Variants in ARHGAP22 observed in about 807,000 individuals in gnomAD.
ARHGAP22 encodes the protein Rho GTPase activating protein 22.
In ARHGAP22, 48 loss-of-function variants were observed where a neutral mutation model predicts 59.1. That is an observed-to-expected ratio of 0.81 (90% CI 0.64 to 1.03). The LOEUF (loss-of-function observed/expected upper bound fraction) is 1.03. Ranked by LOEUF, ARHGAP22 falls within the 50% of genes least tolerant of loss-of-function variation. ARHGAP22 has a pLI of 0.00. For missense variants in ARHGAP22, 1,015 were observed against 958.7 expected, an observed-to-expected ratio of 1.06 and a Z score of -0.78; for synonymous variants, 445 against 416.4, an observed-to-expected ratio of 1.07 and a Z score of -0.84.
At chr10:48,511,328 A>G (rs2052745774) in intron 3 of ARHGAP22, among the ~76,000 whole-genome samples, 1 of 152,222 alleles carries the variant, frequency 6.6e-6, no homozygotes, top group Non-Finnish European at 1.5e-5. Flanking sequence ...GCACATGCTC[A>G]GTGGCACAGC....
At chr10:48,651,076 G>A (rs2062541514) in intron 1 of ARHGAP22, among the ~76,000 whole-genome samples, 1 of 152,192 alleles carries the variant, frequency 6.6e-6, no homozygotes, top group Non-Finnish European at 1.5e-5. Flanking sequence ...GAACCTGGTA[G>A]CATATTACAT....
At chr10:48,441,089 C>A, downstream of ARHGAP22, among the ~76,000 whole-genome samples, 1 of 152,176 alleles carries the variant, frequency 6.6e-6, no homozygotes, top group East Asian at 1.9e-4. Context: ...CTCCAACTTA[C>A]CGCTCCAGGA....
At chr10:48,547,930 T>C (rs2056587217) in intron 3 of ARHGAP22, among the ~76,000 whole-genome samples, 2 of 152,214 alleles carry the variant, frequency 1.3e-5, no homozygotes, top group Non-Finnish European at 2.9e-5. Context: ...CTGTTTGTCT[T>C]CTACTCTCCC....
intron 1 of ARHGAP22, among the ~76,000 whole-genome samples, chr10:48,621,938 T>C (rs10857614): frequency 0.39 from 59,545 of 152,058 alleles, 13,413 homozygotes; most frequent in East Asian, 0.5. Flanking sequence ...CTAAAGTCTC[T>C]TTTGTTTGAT....
chr10:48,535,876 G>A (rs564444979), intron 3 of ARHGAP22, among the ~76,000 whole-genome samples: 65 of 152,332 alleles, frequency 4.3e-4, no homozygotes, highest in African/African-American at 1.4e-3. Context: ...GCAAATGCCC[G>A]ACACCCTTCC....
At chr10:48,597,997 A>C (rs2060168053) in intron 1 of ARHGAP22, among the ~76,000 whole-genome samples, 1 of 152,204 alleles carries the variant, frequency 6.6e-6, no homozygotes, top group Non-Finnish European at 1.5e-5. Context: ...TCTTGCAAAT[A>C]AATCATTTAT....
chr10:48,468,762 G>A (rs1369468670), intron 4 of ARHGAP22, among the ~76,000 whole-genome samples: 1 of 152,166 alleles, frequency 6.6e-6, no homozygotes, highest in African/African-American at 2.4e-5. Flanking sequence ...TTGTGCCCCA[G>A]GCCAGTGAGG....
At chr10:48,460,547 G>A (rs1564693455) in intron 4 of ARHGAP22, among the ~76,000 whole-genome samples, 1 of 152,166 alleles carries the variant, frequency 6.6e-6, no homozygotes, top group African/African-American at 2.4e-5. Flanking sequence ...ATGATAAGAT[G>A]GTGTAGTTGC....
intron 3 of ARHGAP22, among the ~76,000 whole-genome samples, chr10:48,523,395 A>AG (rs912975146): frequency 9.2e-5 from 14 of 152,352 alleles, no homozygotes; most frequent in Admixed American, 7.8e-4. Flanking sequence ...CAGTCAGTCA[A>AG]GGGTTAAGTC....
intron 2 of ARHGAP22, among the ~76,000 whole-genome samples, chr10:48,581,857 G>T (rs983293622): frequency 6.6e-6 from 1 of 152,218 alleles, no homozygotes; most frequent in African/African-American, 2.4e-5. Context: ...AACGAAGACA[G>T]AAAGTTATTC....
chr10:48,539,517 T>C (rs1168885677), intron 3 of ARHGAP22, among the ~76,000 whole-genome samples: 5 of 151,722 alleles, frequency 3.3e-5, no homozygotes. Context: ...GGTCTCGATC[T>C]CCTGACCTCG....
intron 3 of ARHGAP22, chr10:48,493,386 A>C: frequency 1.3e-6 from 2 of 1,493,476 alleles, no homozygotes; most frequent in South Asian, 2.4e-5. Flanking sequence ...CGCCCTCCCC[A>C]GTCTCCCAGC....
chr10:48,466,830 C>G (rs1465785887), intron 4 of ARHGAP22: 1 of 152,174 alleles, frequency 6.6e-6, no homozygotes, highest in Non-Finnish European at 1.5e-5. Flanking sequence ...TGGAATGCCA[C>G]GCCCGAAGTC....
At chr10:48,519,490 T>C (rs1382892527) in intron 3 of ARHGAP22, among the ~76,000 whole-genome samples, 1 of 152,238 alleles carries the variant, frequency 6.6e-6, no homozygotes, top group African/African-American at 2.4e-5. Context: ...AACCCAACAA[T>C]AGGCTGGGGC....
chr10:48,445,476 G>C (rs374969105), downstream of ARHGAP22: 3 of 152,406 alleles, frequency 2.0e-5, no homozygotes, highest in African/African-American at 4.8e-5. Context: ...GGTGGGAAAG[G>C]CTTTCTGGAG....
chr10:48,562,896 G>A (rs1029892026), intron 2 of ARHGAP22, among the ~76,000 whole-genome samples: 5 of 152,098 alleles, frequency 3.3e-5, no homozygotes, highest in South Asian at 2.1e-4. Context: ...AAAATGTAGC[G>A]GCTCAAAACA....
intron 3 of ARHGAP22, among the ~76,000 whole-genome samples, chr10:48,488,928 A>G (rs548259071): frequency 6.6e-6 from 1 of 152,122 alleles, no homozygotes; most frequent in South Asian, 2.1e-4. Flanking sequence ...ACAGAGTCCA[A>G]CGGGCTCCAC....
intron 1 of ARHGAP22, among the ~76,000 whole-genome samples, chr10:48,618,601 A>C (rs560215151): frequency 3.9e-5 from 6 of 152,228 alleles, no homozygotes; most frequent in Non-Finnish European, 7.4e-5. Flanking sequence ...AATCCATGTG[A>C]TCATCTCAAT....
intron 3 of ARHGAP22, among the ~76,000 whole-genome samples, chr10:48,539,239 GAAT>G (rs1328248234): frequency 1.3e-5 from 2 of 148,150 alleles, no homozygotes; most frequent in Admixed American, 1.3e-4. Context: ...CATTACTTTT[GAAT>G]AATATTTTAT....
Sources: gnomAD v4.1 joint callset for allele counts (sites outside exome capture counted in the v4.1 genomes callset) on GRCh38, gnomAD v4.1.1 for gene constraint, MANE v1.5 for transcripts, NCBI Gene and HGNC (gene_info 2026-07-23, HGNC 2026-07-21) for gene names.